The following ALDH3B1 variants were observed in gnomAD, a reference collection of about 807,000 sequenced individuals.
ALDH3B1 encodes aldehyde dehydrogenase family 3 member B1.
In ALDH3B1, 37 loss-of-function variants were observed where a neutral mutation model predicts 46.2. That is an observed-to-expected ratio of 0.80 (90% CI 0.62 to 1.05). The LOEUF (loss-of-function observed/expected upper bound fraction) is 1.05, where lower values mean the gene tolerates loss of function less well. Ranked by LOEUF, ALDH3B1 falls within the 50% of genes least tolerant of loss-of-function variation. The pLI, the probability that ALDH3B1 is intolerant of heterozygous loss-of-function variation, is 0.00. For synonymous variants in ALDH3B1, 283 were observed against 281.0 expected (o/e 1.01, Z -0.07); for missense variants, 603 against 665.5 (o/e 0.91, Z 1.03).
Position 68,019,246 on chromosome 11 carries a change from C to G in ALDH3B1, c.471C>G (p.Tyr157Ter). 1.2e-6 allele frequency: 2 copies of G among 1,612,874 alleles called. No homozygotes were observed. The highest frequency in any genetic ancestry group is 1.1e-5 in the South Asian group (1 of 90,734). Residue 157 changes from tyrosine to a stop codon, truncating the protein, a stop_gained, in exon 5 of 10, where the codon TAC (tyrosine) becomes TAG (stop). Coordinates refer to ENST00000342456, the MANE Select transcript of ALDH3B1 (RefSeq NM_000694.4). LOFTEE classifies it high-confidence loss of function. ...TCCTGGCCGAGGTGCTGCCCCAATA[C>G]GTGGACCAGGTGAGCAGGGCTGCCG... ...EKILAEVLPQ[Y>*]VDQSCFAVVL...
At chr11:68,019,617 C>A in intron 5 of ALDH3B1, 98 bp from the exon 6 acceptor site, 3 of 1,351,068 alleles carry the variant, frequency 2.2e-6, no homozygotes, top group Non-Finnish European at 2.1e-6. Context: ...TCAGGCCAGG[C>A]GGGGTGGAGG....
chr11:68,027,624 G>T (rs1470577246), intron 9 of ALDH3B1, 125 bp from the exon 10 acceptor site: 12 of 1,038,152 alleles, frequency 1.2e-5, no homozygotes, highest in African/African-American at 3.2e-5. Flanking sequence ...AGTGCCTCAT[G>T]ATCAGCCCAC....
chr11:68,022,796 C>A (rs551094897), intron 8 of ALDH3B1, 35 bp downstream of exon 8: 26 of 1,611,890 alleles, frequency 1.6e-5, no homozygotes, highest in South Asian at 1.3e-4. Flanking sequence ...GGGTCAGGAG[C>A]CCGCAGTGGG....
At chr11:68,024,775 T>C (rs2134399550) in intron 8 of ALDH3B1, 1 of 152,338 alleles carries the variant, frequency 6.6e-6, no homozygotes, top group East Asian at 1.9e-4. Flanking sequence ...TTTCCTGGAA[T>C]TCTGTAAGAA....
Position 68,019,218 on chromosome 11 carries a change from A to T in ALDH3B1, c.443A>T (p.Lys148Met). The T allele has an allele frequency of 1.2e-6, 2 of 1,613,566 alleles. No homozygotes were observed. Among genetic ancestry groups the T allele is most frequent in the Non-Finnish European group, 1.7e-6 (2 of 1,179,766 alleles). The change falls in exon 5 of 10, where the codon AAG becomes ATG. Residue 148 changes from lysine to methionine, a missense_variant. By Grantham distance (95) the Lys-to-Met change is moderately conservative. Coordinates refer to ENST00000342456, the MANE Select transcript of ALDH3B1 (RefSeq NM_000694.4). ...TCGGAGATTAGCAAGAACGTCGAGA[A>T]GATCCTGGCCGAGGTGCTGCCCCAA... ...KPSEISKNVE[K>M]ILAEVLPQYV...
intron 2 of ALDH3B1, chr11:68,016,145 G>A (rs1857346884): frequency 6.4e-6 from 1 of 155,344 alleles, no homozygotes; most frequent in Non-Finnish European, 1.4e-5. Flanking sequence ...GGGTGAAGGG[G>A]AGAGAGGGGG....
intron 2 of ALDH3B1, chr11:68,017,279 C>G (rs4646808): frequency 0.21 from 32,752 of 152,360 alleles, 3,662 homozygotes; most frequent in African/African-American, 0.24. Context: ...AGGCACCTTC[C>G]CCCAGCCTCA....
In ALDH3B1 at chr11:68,017,611, T is replaced by C. The variant is rs574406632; in HGVS notation, c.163-916T>C. On this transcript the variant is annotated intron_variant, in intron 2 of 9. Transcript: ENST00000342456. ...TTGGGGCGCAGAGGGCAGGGAGCAC[T>C]GGCTAGCCGAGAGCAGGACAATGTC... is the stretch of plus-strand genomic sequence containing the variant. The C allele has an allele frequency of 2.8e-3, 430 of 152,430 alleles. 2 individuals carry two copies. The highest frequency in any genetic ancestry group is 4.8e-3 in the Non-Finnish European group (329 of 68,112). The allele number at this position is 152,430 out of a possible 1,614,324, so 9.4% of individuals were successfully genotyped here.
intron 6 of ALDH3B1, among the ~76,000 whole-genome samples, chr11:68,020,233 T>C (rs1216437393): frequency 6.6e-6 from 1 of 152,008 alleles, no homozygotes; most frequent in African/African-American, 2.4e-5. Context: ...GTCACTTTTT[T>C]TTTCTTTTTT....
chr11:68,014,243 G>C (rs1857293210), intron 1 of ALDH3B1, among the ~76,000 whole-genome samples: 1 of 152,198 alleles, frequency 6.6e-6, no homozygotes, highest in Non-Finnish European at 1.5e-5. Context: ...GGTGGGTAGA[G>C]TGTAACCAGA....
At position 68,027,991 on chromosome 11, in the gene ALDH3B1, C is replaced by T; in HGVS notation, c.*52C>T. 6.4e-7 allele frequency: 1 copy of T among 1,562,062 alleles called. No individual in the cohort carries two copies. The highest frequency in any genetic ancestry group is 2.3e-5 in the East Asian group (1 of 42,662). ...CCACCATGACAGCTGTCGCCTGCGGCTGGTGGAGACGGGGCCTGGGCTCCC... is the reference window on the plus strand; with the variant it reads ...CCACCATGACAGCTGTCGCCTGCGGTTGGTGGAGACGGGGCCTGGGCTCCC... On this transcript the variant is annotated 3_prime_UTR_variant, in exon 10 of 10. Transcript: ENST00000342456.
At chr11:68,022,384 C>T (rs1857521132) in intron 7 of ALDH3B1, among the ~76,000 whole-genome samples, 1 of 152,194 alleles carries the variant, frequency 6.6e-6, no homozygotes, top group Admixed American at 6.5e-5. Flanking sequence ...TCCCACAGGC[C>T]CTGAGCAGGC....
intron 7 of ALDH3B1, 59 bp downstream of exon 7, chr11:68,021,930 G>A: frequency 6.5e-7 from 1 of 1,528,786 alleles, no homozygotes; most frequent in Non-Finnish European, 8.8e-7. Context: ...TCACTGGAGG[G>A]CCCAAGGCTG....
intron 9 of ALDH3B1, 98 bp downstream of exon 9, chr11:68,026,206 A>G (rs1440743502): frequency 2.8e-6 from 3 of 1,070,996 alleles, no homozygotes; most frequent in South Asian, 1.7e-5. Context: ...CCCCACCTCA[A>G]TGTAGAGGGA....
At chr11:68,026,823 T>C (rs962610260) in intron 9 of ALDH3B1, among the ~76,000 whole-genome samples, 1 of 152,220 alleles carries the variant, frequency 6.6e-6, no homozygotes, top group East Asian at 1.9e-4. Flanking sequence ...GGTGGGTCCA[T>C]GCCCTTCCTG....
chr11:68,025,945 C>A, intron 8 of ALDH3B1, 64 bp from the exon 9 acceptor site: 1 of 1,239,448 alleles, frequency 8.1e-7, no homozygotes, highest in East Asian at 2.8e-5. Context: ...ATGGAACAGG[C>A]TCTGGGTCCT....
Position 68,027,856 on chromosome 11 carries a change from C to T in ALDH3B1, c.1324C>T (p.Arg442Cys), listed in dbSNP as rs372491942. 3.2e-5 allele frequency: 50 copies of T among 1,550,396 alleles called. No homozygotes were observed. The highest frequency in any genetic ancestry group is 1.2e-4 in the African/African-American group (9 of 73,208). ...GGGGATGGAGAAGCTCAACGCCCTCCGCTACCCGCCGCAATCGCCGCGCCG... is the reference window on the plus strand; with the variant it reads ...GGGGATGGAGAAGCTCAACGCCCTCTGCTACCCGCCGCAATCGCCGCGCCG... ...SPGMEKLNAL[R>C]YPPQSPRRLR... Residue 442 changes from arginine (R) to cysteine (C), a missense_variant, in exon 10 of 10, where the codon CGC becomes TGC. Transcript: ENST00000342456.
In ALDH3B1 at chr11:68,029,130, G is replaced by A. The variant is rs1015086857; in HGVS notation, c.*1191G>A. 6.6e-6 allele frequency: 1 copy of A among 152,210 alleles called. No individual in the cohort carries two copies. The highest frequency in any genetic ancestry group is 1.5e-5 in the Non-Finnish European group (1 of 68,072). The allele number at this position is 152,210 out of a possible 1,614,324, so 9.4% of individuals were successfully genotyped here. On this transcript the variant is annotated 3_prime_UTR_variant, in exon 10 of 10. Coordinates refer to ENST00000342456, the MANE Select transcript of ALDH3B1 (RefSeq NM_000694.4). ...TGAGAGGCTGCTCCTGCGGCCTGCG[G>A]GCCACCTCCTCTTCCTTGGCTCCTG...
At chr11:68,019,859 G>C in intron 6 of ALDH3B1, 63 bp downstream of exon 6, 1 of 1,527,638 alleles carries the variant, frequency 6.5e-7, no homozygotes, top group Middle Eastern at 1.7e-4. Context: ...CAGGGGTCCT[G>C]TCCCTAACTC....
Sources: allele counts gnomAD v4.1 joint callset (sites outside exome capture counted in the v4.1 genomes callset), GRCh38; gene constraint gnomAD v4.1.1; transcripts MANE v1.5; gene names NCBI Gene and HGNC (gene_info 2026-07-23, HGNC 2026-07-21).